Variants in HHAT observed in about 807,000 individuals in gnomAD.
HHAT encodes hedgehog acyltransferase.
In HHAT, 47 loss-of-function variants were observed where a neutral mutation model predicts 70.8. The ratio of observed to expected loss-of-function variants is 0.66; its 90% CI spans 0.53 to 0.85. The LOEUF is 0.85. HHAT is among the 40% of genes least tolerant of loss of function. The pLI is 0.00. For synonymous variants in HHAT, 228 were observed against 247.6 expected (o/e 0.92, Z 0.74); for missense variants, 609 against 604.8 (o/e 1.01, Z -0.07).
chr1:210,516,873 T>C (rs367653327), intron 9 of HHAT, among the ~76,000 whole-genome samples: 18 of 152,224 alleles, frequency 1.2e-4, no homozygotes, highest in African/African-American at 4.1e-4. Context: ...AGACTAGGCA[T>C]TTGCAAGGAG....
rs138989086 is a variant in HHAT at position 210,643,798 on chromosome 1, T to C, written c.1390+20128T>C. 7.2e-5 allele frequency among the ~76,000 whole-genome samples: 11 copies of C among 151,778 alleles called. No homozygotes were observed. The East Asian group carries it at 2.1e-3, about 29-fold the overall frequency. Reference sequence around the variant, plus strand: ...AGACAGAATTTAAATACAAAAGAGCTAATTGCAGAAGCATCTGGAAACATT... The same window carrying C: ...AGACAGAATTTAAATACAAAAGAGCCAATTGCAGAAGCATCTGGAAACATT... On this transcript the variant is annotated intron_variant, in intron 11 of 11. Transcript: ENST00000261458.
chr1:210,482,762 A>G (rs1285503918), intron 8 of HHAT, among the ~76,000 whole-genome samples: 3 of 152,146 alleles, frequency 2.0e-5, no homozygotes, highest in African/African-American at 7.2e-5. Flanking sequence ...GCTTCCGTGT[A>G]TACAGTTTGA....
intron 11 of HHAT, among the ~76,000 whole-genome samples, chr1:210,626,023 A>C (rs1334473778): frequency 6.6e-6 from 1 of 152,188 alleles, no homozygotes; most frequent in Non-Finnish European, 1.5e-5. Flanking sequence ...AGAAATGCCC[A>C]AGAGGCAGTT....
At chr1:210,525,596 C>T (rs559666367) in intron 9 of HHAT, among the ~76,000 whole-genome samples, 2 of 152,136 alleles carry the variant, frequency 1.3e-5, no homozygotes, top group Admixed American at 6.5e-5. Context: ...CCTAGCTGTG[C>T]TATATTTGAA....
At chr1:210,628,510 A>T (rs1013644357) in intron 11 of HHAT, among the ~76,000 whole-genome samples, 4 of 151,914 alleles carry the variant, frequency 2.6e-5, no homozygotes, top group Non-Finnish European at 5.9e-5. Context: ...ACACACATGG[A>T]TGTTTGTTTT....
chr1:210,575,440 CA>C (rs145056312), intron 9 of HHAT, among the ~76,000 whole-genome samples: 22,121 of 152,060 alleles, frequency 0.15, 2,117 homozygotes, highest in South Asian at 0.26. Flanking sequence ...CTCCTTTGCC[CA>C]AACCTCCAAA....
chr1:210,579,788 G>A (rs1057290466), intron 9 of HHAT, among the ~76,000 whole-genome samples: 1 of 152,114 alleles, frequency 6.6e-6, no homozygotes, highest in Non-Finnish European at 1.5e-5. Context: ...AATGTGCTTG[G>A]ACTGAGCCAT....
At chr1:210,374,062 C>T (rs1314993623) in intron 3 of HHAT, 2 of 152,190 alleles carry the variant, frequency 1.3e-5, no homozygotes, top group East Asian at 1.9e-4. Context: ...TTCTGTTACA[C>T]AATGTTTAAA....
chr1:210,431,662 A>T (rs2093247536), intron 7 of HHAT, among the ~76,000 whole-genome samples: 2 of 151,768 alleles, frequency 1.3e-5, no homozygotes, highest in African/African-American at 4.9e-5. Context: ...TAACTGCATC[A>T]TCTGGGTCAT....
chr1:210,632,150 A>G (rs955854565), intron 11 of HHAT, among the ~76,000 whole-genome samples: 3 of 152,236 alleles, frequency 2.0e-5, no homozygotes, highest in Non-Finnish European at 4.4e-5. Context: ...CAAAGCATGG[A>G]AAAGAGTGTG....
At chr1:210,581,098 A>T (rs527891391) in intron 9 of HHAT, among the ~76,000 whole-genome samples, 1 of 152,036 alleles carries the variant, frequency 6.6e-6, no homozygotes, top group African/African-American at 2.4e-5. Flanking sequence ...TTTCTTTCAT[A>T]TGTTTATTGG....
At chr1:210,431,409 G>C (rs1471904165) in intron 7 of HHAT, among the ~76,000 whole-genome samples, 1 of 151,694 alleles carries the variant, frequency 6.6e-6, no homozygotes, top group Non-Finnish European at 1.5e-5. Flanking sequence ...TTCTGCTCTT[G>C]CTTTATATAT....
Position 210,328,918 on chromosome 1 carries a change from G to A in HHAT, c.-230G>A, listed in dbSNP as rs1273421879. 7.6e-6 allele frequency: 7 copies of A among 918,612 alleles called. No individual in the cohort carries two copies. The African/African-American group carries it at 1.0e-4, about 14-fold the overall frequency. 56.9% of individuals were successfully genotyped at this position (918,612 alleles called of 1,614,324 possible). The stretch of plus-strand genomic sequence containing the variant: ...AGGGCGCGCGGGCACGGCGGCAGGG[G>A]CGTGCTCGGAGGACGCGCGCTGCGC... On this transcript the variant is annotated 5_prime_UTR_variant, in exon 1 of 12. Transcript: ENST00000261458.
In HHAT at chr1:210,454,892, T is replaced by C. The variant is rs138840924; in HGVS notation, c.857-9613T>C. On this transcript the variant is annotated intron_variant, in intron 7 of 11. Coordinates refer to ENST00000261458, the MANE Select transcript of HHAT (RefSeq NM_018194.6). The stretch of plus-strand genomic sequence containing the variant: ...TGGGAAGTCAACTCTCTCTTGGGTT[T>C]CCAAGTTAATAACCACTCATTGTGA... Among the ~76,000 whole-genome samples, 385 of 152,344 alleles carry C rather than the reference T, an allele frequency of 2.5e-3. 4 individuals are homozygous for C. The highest frequency in any genetic ancestry group is 0.02 in the Admixed American group (313 of 15,304).
intron 1 of HHAT, among the ~76,000 whole-genome samples, chr1:210,336,310 T>TTTTTTA (rs2085492279): frequency 7.4e-6 from 1 of 134,338 alleles, no homozygotes; most frequent in African/African-American, 2.7e-5. Context: ...TTTTTTTTTT[T>TTTTTTA]AGAGACAGGG....
At chr1:210,622,069 G>A (rs1668952705) in intron 10 of HHAT, among the ~76,000 whole-genome samples, 1 of 152,190 alleles carries the variant, frequency 6.6e-6, no homozygotes, top group Non-Finnish European at 1.5e-5. Flanking sequence ...TGATGCCAAA[G>A]CAGTCACAGG....
At chr1:210,382,693 T>C (rs1261900197) in intron 3 of HHAT, among the ~76,000 whole-genome samples, 1 of 152,214 alleles carries the variant, frequency 6.6e-6, no homozygotes, top group African/African-American at 2.4e-5. Flanking sequence ...ATGGGAAAGC[T>C]TCACTCTGGA....
intron 1 of HHAT, among the ~76,000 whole-genome samples, chr1:210,338,676 C>A (rs1233801658): frequency 6.6e-6 from 1 of 152,120 alleles, no homozygotes; most frequent in African/African-American, 2.4e-5. Flanking sequence ...GCACCTTGTC[C>A]TAGGTCACAC....
chr1:210,609,304 T>C (rs1558266599), intron 10 of HHAT, among the ~76,000 whole-genome samples: 1 of 152,122 alleles, frequency 6.6e-6, no homozygotes, highest in Non-Finnish European at 1.5e-5. Context: ...CTATATATCT[T>C]CTTATTTATT....
Sources: allele counts gnomAD v4.1 joint callset (sites outside exome capture counted in the v4.1 genomes callset), GRCh38; gene constraint gnomAD v4.1.1; transcripts MANE v1.5; gene names NCBI Gene and HGNC (gene_info 2026-07-23, HGNC 2026-07-21).